The following CORO2B variants were observed in gnomAD, a reference collection of about 807,000 sequenced individuals.
CORO2B encodes the protein coronin 2B, also known as coronin-2B.
Under a neutral mutation model 58.8 loss-of-function variants are expected in CORO2B, and 26 were observed. The observed-to-expected ratio is 0.44, with a 90% CI of 0.32 to 0.61. CORO2B has a LOEUF of 0.61. Ranked by LOEUF, CORO2B falls within the 20% of genes least tolerant of loss-of-function variation. The pLI, the probability that CORO2B is intolerant of heterozygous loss-of-function variation, is 0.04. For synonymous variants in CORO2B, 242 were observed against 253.8 expected (o/e 0.95, Z 0.44); for missense variants, 460 against 645.1 (o/e 0.71, Z 3.11).
At chr15:68,641,211 T>TC (rs1446108966) in intron 1 of CORO2B, among the ~76,000 whole-genome samples, 2 of 152,128 alleles carry the variant, frequency 1.3e-5, no homozygotes, top group African/African-American at 2.4e-5. Context: ...CCCAGGCCCA[T>TC]CCCCGGGGAA....
intron 3 of CORO2B, among the ~76,000 whole-genome samples, chr15:68,709,169 A>G (rs1184025972): frequency 1.3e-5 from 2 of 152,096 alleles, no homozygotes; most frequent in African/African-American, 2.4e-5. Context: ...TTTTGCTTAT[A>G]TTGTATTTTA....
At chr15:68,676,525 G>A (rs535660351) in intron 2 of CORO2B, among the ~76,000 whole-genome samples, 3 of 152,332 alleles carry the variant, frequency 2.0e-5, no homozygotes, top group East Asian at 3.9e-4. Flanking sequence ...CACTGTCCCT[G>A]TTCCCCTGTG....
intron 1 of CORO2B, among the ~76,000 whole-genome samples, chr15:68,642,024 C>T (rs1049888289): frequency 6.3e-5 from 9 of 143,710 alleles, no homozygotes; most frequent in South Asian, 2.2e-4. Flanking sequence ...TCACCTAACC[C>T]GGCCTAGCCT....
chr15:68,545,316 T>G, the CORO2B span, among the ~76,000 whole-genome samples: 1 of 152,258 alleles, frequency 6.6e-6, no homozygotes, highest in African/African-American at 2.4e-5. Context: ...TGGAAAGGCG[T>G]TTGGTGCTAT....
chr15:68,520,901 T>G, the CORO2B span, among the ~76,000 whole-genome samples: 2 of 151,952 alleles, frequency 1.3e-5, no homozygotes, highest in African/African-American at 4.8e-5. Flanking sequence ...ATACAAAAAT[T>G]AGCCAGCCAT....
chr15:68,668,797 G>C (rs887677237), intron 2 of CORO2B, among the ~76,000 whole-genome samples: 2 of 152,224 alleles, frequency 1.3e-5, no homozygotes, highest in Non-Finnish European at 2.9e-5. Flanking sequence ...GCCAAAGACA[G>C]GCCGAGCATG....
At chr15:68,713,661 C>T (rs1261278619) in intron 5 of CORO2B, among the ~76,000 whole-genome samples, 4 of 152,176 alleles carry the variant, frequency 2.6e-5, no homozygotes, top group Non-Finnish European at 5.9e-5. Flanking sequence ...CACACACCTT[C>T]TCCCCTGTGT....
upstream of CORO2B, among the ~76,000 whole-genome samples, chr15:68,578,753 C>T (rs1899337106): frequency 6.6e-6 from 1 of 152,062 alleles, no homozygotes. The surrounding 1 kb of genome is among the most constrained non-coding windows in gnomAD (Gnocchi z 4.2). Context: ...GGGAGCCAGC[C>T]TCGCCCAGCC....
chr15:68,669,348 C>A (rs562366850), intron 2 of CORO2B, among the ~76,000 whole-genome samples: 2 of 152,258 alleles, frequency 1.3e-5, no homozygotes, highest in Admixed American at 6.5e-5. Context: ...TCCACACGGG[C>A]ATCTTGGCAC....
the CORO2B span, among the ~76,000 whole-genome samples, chr15:68,551,489 C>T: frequency 6.6e-6 from 1 of 152,184 alleles, no homozygotes; most frequent in Admixed American, 6.5e-5. Flanking sequence ...GCTGGGCCTC[C>T]CCGGCCTCCT....
intron 3 of CORO2B, 73 bp downstream of exon 3, chr15:68,695,329 T>G: frequency 1.9e-6 from 2 of 1,046,424 alleles, no homozygotes; most frequent in Non-Finnish European, 3.0e-6. Flanking sequence ...CCTCTCTTCC[T>G]ACCCTCCCCT....
chr15:68,687,774 A>G (rs1212570762), intron 2 of CORO2B, among the ~76,000 whole-genome samples: 1 of 152,244 alleles, frequency 6.6e-6, no homozygotes, highest in African/African-American at 2.4e-5. Flanking sequence ...ATGACATCCC[A>G]TGGCAGAAGG....
At chr15:68,701,311 TTTTTTTTC>T (rs1227449800) in intron 3 of CORO2B, among the ~76,000 whole-genome samples, 3 of 151,540 alleles carry the variant, frequency 2.0e-5, no homozygotes, top group African/African-American at 7.3e-5. Flanking sequence ...CTTTTTTTTC[TTTTTTTTC>T]TTTTTTTTGA....
rs756389544 is a variant in CORO2B at position 68,710,895 on chromosome 15, A to G, written c.483+14A>G. 6.9e-6 allele frequency: 11 copies of G among 1,585,456 alleles called. No homozygotes were observed. In the East Asian group the frequency reaches 2.5e-4, roughly 36 times the overall value. On this transcript the variant is annotated intron_variant, in intron 4 of 11. Transcript: ENST00000261861. This position sits in a 1 kb window ranked among gnomAD's most constrained non-coding sequence, Gnocchi z 4.1. Reference sequence around the variant, plus strand: ...TACGACTACAAGGTATGCAGTGGGCAGGCAGCTGGGTGGAGAGGGATTGGG... The same window carrying G: ...TACGACTACAAGGTATGCAGTGGGCGGGCAGCTGGGTGGAGAGGGATTGGG...
Position 68,588,715 on chromosome 15 carries a change from C to A in CORO2B, c.15+9438C>A, listed in dbSNP as rs563073222. Among the ~76,000 whole-genome samples, 4 of 152,306 alleles carry A rather than the reference C, an allele frequency of 2.6e-5. No homozygotes were observed. The South Asian group carries it at 8.3e-4, about 32-fold the overall frequency. On this transcript the variant is annotated intron_variant, in intron 1 of 11. Coordinates refer to ENST00000261861, the MANE Select transcript of CORO2B (RefSeq NM_006091.5). ...CATTTGCAGCAAATCATTTAAACAC[C>A]TTGAGTTTGATTTCAGAACTAACAG...
intron 2 of CORO2B, among the ~76,000 whole-genome samples, chr15:68,691,624 CA>C (rs57879519): frequency 2.7e-4 from 7 of 25,750 alleles, no homozygotes; most frequent in Non-Finnish European, 3.6e-4. Flanking sequence ...GACTCCGTCT[CA>C]AAAAAAAAAA....
At chr15:68,547,257 G>C in the CORO2B span, among the ~76,000 whole-genome samples, 1 of 152,122 alleles carries the variant, frequency 6.6e-6, no homozygotes, top group South Asian at 2.1e-4. Flanking sequence ...AAATCACATA[G>C]AGAAACTCAA....
chr15:68,666,730 G>A (rs1902203729), intron 2 of CORO2B, among the ~76,000 whole-genome samples: 1 of 152,150 alleles, frequency 6.6e-6, no homozygotes, highest in African/African-American at 2.4e-5. Context: ...AGGGAGTTTT[G>A]TGCCTCTCTA....
At chr15:68,683,402 C>T (rs1299102895) in intron 2 of CORO2B, among the ~76,000 whole-genome samples, 5 of 152,210 alleles carry the variant, frequency 3.3e-5, no homozygotes, top group Non-Finnish European at 7.3e-5. Flanking sequence ...AGGAGAAAGC[C>T]AATGCTAGTG....
Sources: allele counts gnomAD v4.1 joint callset (sites outside exome capture counted in the v4.1 genomes callset), GRCh38; gene constraint gnomAD v4.1.1; non-coding constraint Gnocchi (gnomAD v3.1); transcripts MANE v1.5; gene names NCBI Gene and HGNC (gene_info 2026-07-23, HGNC 2026-07-21).